SEPTIN10: variants seen among roughly 807,000 people sequenced by gnomAD.
SEPTIN10 encodes the protein septin 10, also known as septin-10.
Under a neutral mutation model 54.8 loss-of-function variants are expected in SEPTIN10, and 66 were observed. That is an observed-to-expected ratio of 1.21 (90% CI 0.99 to 1.48). The LOEUF is 1.48. Ranked by LOEUF, SEPTIN10 falls within the 40% of genes most tolerant of loss-of-function variation. SEPTIN10 has a pLI of 0.00. For missense variants in SEPTIN10, 620 were observed against 545.6 expected (o/e 1.14, Z -1.36); for synonymous variants, 161 against 181.0 (o/e 0.89, Z 0.89).
Position 109,546,230 on chromosome 2 carries a change from G to T in SEPTIN10, c.1169C>A (p.Ala390Asp). The change falls in exon 10 of 11, where the codon GCC (alanine) becomes GAC (aspartate). Residue 390 changes from alanine (A) to aspartate (D), a missense_variant. Coordinates refer to ENST00000397712, the MANE Select transcript of SEPTIN10 (RefSeq NM_144710.5). ...AAGTCTCTTAAGGTGCTCAAATTTG[G>T]CCTGTAGCTGGAAACAAAAGTGCAA... Reference protein sequence around the residue: ...ILKEAERELQAKFEHLKRLHQ... With the variant: ...ILKEAERELQDKFEHLKRLHQ... 1 of 1,541,466 alleles carries T rather than the reference G, an allele frequency of 6.5e-7. No individual in the cohort carries two copies. Among genetic ancestry groups the T allele is most frequent in the Non-Finnish European group, 8.7e-7 (1 of 1,146,332 alleles).
intron 4 of SEPTIN10, among the ~76,000 whole-genome samples, chr2:109,579,188 C>T (rs889272486): frequency 2.0e-5 from 3 of 152,120 alleles, no homozygotes; most frequent in African/African-American, 7.2e-5. Context: ...ATGAAATGGA[C>T]AGATTCCTGG....
intron 3 of SEPTIN10, 43 bp downstream of exon 3, chr2:109,585,678 G>T: frequency 7.7e-7 from 1 of 1,292,672 alleles, no homozygotes; most frequent in Non-Finnish European, 1.1e-6. Flanking sequence ...TGAGCACAAG[G>T]AATATGAAGG....
At chr2:109,556,617 G>T (rs1212402350) in intron 8 of SEPTIN10, among the ~76,000 whole-genome samples, 1 of 152,028 alleles carries the variant, frequency 6.6e-6, no homozygotes, top group African/African-American at 2.4e-5. Context: ...CCCCAAGGAG[G>T]CATTTTACTT....
In SEPTIN10 at chr2:109,564,444, C is replaced by G; in HGVS notation, c.950G>C (p.Arg317Thr). 6.3e-7 allele frequency: 1 copy of G among 1,598,872 alleles called. No individual in the cohort carries two copies. ...GCAGCGCCTGTAAAGCTCATAGTGC[C>G]TGGTATGGGTCTGCTCTCGCAGGTC... Reference protein sequence around the residue: ...MEDLREQTHTRHYELYRRCKL... With the variant: ...MEDLREQTHTTHYELYRRCKL... The change falls in exon 8 of 11, where the codon AGG becomes ACG. Residue 317 changes from arginine (R) to threonine (T), a missense_variant. Arg to Thr is a moderately conservative substitution (Grantham distance 71). Transcript: ENST00000397712.
chr2:109,567,719 A>C, intron 6 of SEPTIN10, 96 bp downstream of exon 6: 1 of 1,193,058 alleles, frequency 8.4e-7, no homozygotes, highest in Non-Finnish European at 1.1e-6. Context: ...TCTTTTTGGA[A>C]GACACAAGTG....
intron 1 of SEPTIN10, among the ~76,000 whole-genome samples, chr2:109,612,142 A>T (rs757675427): frequency 1.3e-5 from 2 of 152,220 alleles, no homozygotes; most frequent in Non-Finnish European, 1.5e-5. Context: ...CAAACTGCAG[A>T]TATATGCAAC....
intron 4 of SEPTIN10, among the ~76,000 whole-genome samples, chr2:109,583,126 T>C (rs530882701): frequency 6.6e-6 from 1 of 152,226 alleles, no homozygotes; most frequent in African/African-American, 2.4e-5. Context: ...GGAAAAGAAT[T>C]TACGATTAAG....
intron 3 of SEPTIN10, 54 bp from the exon 4 acceptor site, chr2:109,585,375 A>G (rs1692263805): frequency 1.1e-5 from 15 of 1,409,526 alleles, no homozygotes; most frequent in Non-Finnish European, 1.5e-5. Context: ...GAAAAGAAAT[A>G]CAACTGTAAA....
At position 109,613,134 on chromosome 2, in the gene SEPTIN10, A is replaced by G. The variant is rs1040306070; in HGVS notation, c.30+664T>C. ...TACCATGTAGCCTTTGGAAAACTCG[A>G]TGTACACGACCTTGGTACTATTAAC... On this transcript the variant is annotated intron_variant, in intron 1 of 10. Transcript: ENST00000397712. 28 of 1,279,096 alleles carry G rather than the reference A, an allele frequency of 2.2e-5. No individual in the cohort carries two copies. The African/African-American group carries it at 3.2e-4, about 15-fold the overall frequency. The allele number at this position is 1,279,096 out of a possible 1,614,324, so 79.2% of individuals were successfully genotyped here.
chr2:109,587,372 T>G (rs906295515), intron 2 of SEPTIN10, among the ~76,000 whole-genome samples: 1 of 152,090 alleles, frequency 6.6e-6, no homozygotes, highest in South Asian at 2.1e-4. Flanking sequence ...TAAAAACTTG[T>G]GTGAGAGTAT....
In SEPTIN10 at chr2:109,572,162, G is replaced by A. The variant is rs202095916; in HGVS notation, c.600+2419C>T. Among the ~76,000 whole-genome samples, 34 of 152,080 alleles carry A rather than the reference G, an allele frequency of 2.2e-4. No homozygotes were observed. The South Asian group carries it at 5.2e-3, about 23-fold the overall frequency. On this transcript the variant is annotated intron_variant, in intron 5 of 10. Coordinates refer to ENST00000397712, the MANE Select transcript of SEPTIN10 (RefSeq NM_144710.5). ...TTTTTGTTTTTTGAGATGGAGTCTC[G>A]CTCTGTCGCCTAGGCTGGAGTGCAG...
chr2:109,610,321 C>T (rs1041230581), intron 1 of SEPTIN10, among the ~76,000 whole-genome samples: 3 of 152,122 alleles, frequency 2.0e-5, no homozygotes, highest in African/African-American at 7.2e-5. Context: ...ATCTCTTGAC[C>T]TCATGATCCA....
intron 8 of SEPTIN10, among the ~76,000 whole-genome samples, chr2:109,557,587 C>CTGCATA (rs1684661578): frequency 6.6e-6 from 1 of 152,212 alleles, no homozygotes; most frequent in South Asian, 2.1e-4. Context: ...TGGACTGCTT[C>CTGCATA]TGCATATTTT....
At chr2:109,576,703 A>T (rs933734326) in intron 4 of SEPTIN10, among the ~76,000 whole-genome samples, 1 of 152,234 alleles carries the variant, frequency 6.6e-6, no homozygotes, top group African/African-American at 2.4e-5. Flanking sequence ...CCTCTATCTG[A>T]ATGTTTTGTC....
Position 109,609,531 on chromosome 2 carries a change from G to A in SEPTIN10, c.30+4267C>T, listed in dbSNP as rs188033677. ...TGGGGTTCTCTGGGAAAGCTTCAGA[G>A]GAAGCAGCATGGGAACTGAGTCTTT... On this transcript the variant is annotated intron_variant, in intron 1 of 10. Transcript: ENST00000397712. 1.7e-3 allele frequency among the ~76,000 whole-genome samples: 258 copies of A among 151,310 alleles called. 1 individual carries two copies. Among genetic ancestry groups the A allele is most frequent in the Non-Finnish European group, 2.2e-3 (150 of 67,936 alleles).
At chr2:109,564,638 A>T (rs1686532714) in intron 7 of SEPTIN10, 104 bp from the exon 8 acceptor site, 1 of 989,324 alleles carries the variant, frequency 1.0e-6, no homozygotes, top group African/African-American at 1.6e-5. Flanking sequence ...GTGAAACAAC[A>T]AATAGCAAAT....
At chr2:109,556,027 C>CT (rs1684287929) in intron 8 of SEPTIN10, among the ~76,000 whole-genome samples, 2 of 152,188 alleles carry the variant, frequency 1.3e-5, no homozygotes, top group African/African-American at 2.4e-5. Flanking sequence ...AAGCCTCATT[C>CT]ATCTCTGTGA....
At chr2:109,550,582 A>G (rs1347612504) in intron 9 of SEPTIN10, among the ~76,000 whole-genome samples, 1 of 152,056 alleles carries the variant, frequency 6.6e-6, no homozygotes, top group Non-Finnish European at 1.5e-5. Flanking sequence ...CCGAAGTGCT[A>G]GGATTGCAGG....
intron 4 of SEPTIN10, among the ~76,000 whole-genome samples, chr2:109,578,379 G>A (rs907970031): frequency 1.3e-5 from 2 of 152,166 alleles, no homozygotes; most frequent in Admixed American, 6.5e-5. Context: ...AGACAATACT[G>A]ACATGGAAGC....
Sources: gnomAD v4.1 joint callset for allele counts (sites outside exome capture counted in the v4.1 genomes callset) on GRCh38, gnomAD v4.1.1 for gene constraint, MANE v1.5 for transcripts, NCBI Gene and HGNC (gene_info 2026-07-23, HGNC 2026-07-21) for gene names.